FAM178B: variants seen among roughly 807,000 people sequenced by gnomAD.
FAM178B encodes family with sequence similarity 178 member B.
In FAM178B, 82 loss-of-function variants were observed where a neutral mutation model predicts 91.7. That is an observed-to-expected ratio of 0.89 (90% CI 0.75 to 1.07). FAM178B has a LOEUF of 1.07. FAM178B is among the 50% of genes least tolerant of loss of function. The pLI is 0.00. For missense variants in FAM178B, 769 were observed against 846.7 expected (o/e 0.91, Z 1.14); for synonymous variants, 368 against 359.4 (o/e 1.02, Z -0.27).
chr2:96,929,390 G>A (rs1408390013), intron 8 of FAM178B, 70 bp from the exon 9 acceptor site: 1 of 1,127,978 alleles, frequency 8.9e-7, no homozygotes, highest in Non-Finnish European at 1.3e-6. Flanking sequence ...TCCCACTGAA[G>A]GGGCTGGCCG....
At chr2:96,936,235 T>C (rs1023698344) in intron 8 of FAM178B, among the ~76,000 whole-genome samples, 4 of 152,166 alleles carry the variant, frequency 2.6e-5, no homozygotes, top group African/African-American at 7.2e-5. Flanking sequence ...GGAGTCTCGC[T>C]CTGTTGCCCA....
At chr2:96,935,014 T>A (rs2081601106) in intron 8 of FAM178B, among the ~76,000 whole-genome samples, 1 of 152,144 alleles carries the variant, frequency 6.6e-6, no homozygotes. Context: ...TGCCCTTCTG[T>A]AACTCACACC....
At chr2:96,915,975 T>C (rs2081234961) in intron 12 of FAM178B, among the ~76,000 whole-genome samples, 1 of 152,226 alleles carries the variant, frequency 6.6e-6, no homozygotes, top group South Asian at 2.1e-4. Context: ...GCGTATTTCA[T>C]TAACTTTCCC....
intron 1 of FAM178B, among the ~76,000 whole-genome samples, chr2:96,985,086 A>C (rs1056624092): frequency 3.9e-5 from 6 of 152,228 alleles, no homozygotes; most frequent in African/African-American, 1.4e-4. Context: ...GAATGGATGG[A>C]AACCGATCAT....
chr2:96,902,752 G>A (rs1486471664), intron 12 of FAM178B, 45 bp from the exon 13 acceptor site: 1 of 1,448,932 alleles, frequency 6.9e-7, no homozygotes, highest in South Asian at 1.2e-5. Context: ...CTGGAAGTCG[G>A]GGAGCCCGAG....
intron 6 of FAM178B, among the ~76,000 whole-genome samples, chr2:96,958,226 C>T (rs892850854): frequency 3.9e-5 from 6 of 152,144 alleles, no homozygotes; most frequent in African/African-American, 1.4e-4. Context: ...CCCGCTACCA[C>T]GCCCAGCTAA....
chr2:96,965,532 A>C (rs1292724598), intron 5 of FAM178B, among the ~76,000 whole-genome samples: 3 of 151,644 alleles, frequency 2.0e-5, no homozygotes, highest in Non-Finnish European at 4.4e-5. Context: ...GTGTGATCAC[A>C]GCTCACTGCA....
chr2:96,963,582 G>A (rs920820678), intron 5 of FAM178B, among the ~76,000 whole-genome samples: 1 of 152,218 alleles, frequency 6.6e-6, no homozygotes, highest in African/African-American at 2.4e-5. Context: ...TGGGACGGCT[G>A]CTCAAATCCC....
rs1257019 is a variant in FAM178B, at chr2:96,951,403, T to C, written c.969A>G (p.Val323=). The C allele has an allele frequency of 0.76, 1,181,088 of 1,550,800 alleles. 462,069 individuals carry two copies. The highest frequency in any genetic ancestry group is 0.88 in the African/African-American group (64,648 of 73,120). ...ILYLHMPDCP[V]SLLQWLFQLL... ...CCTGGAACAGCCACTGGAGCAGGGA[T>C]ACCGGGCAGTCAGGCATGTGCAGGT... The change falls in exon 7 of 17, where the codon GTA becomes GTG. Residue 323 remains valine, a synonymous_variant. Coordinates refer to ENST00000490605, the MANE Select transcript of FAM178B (RefSeq NM_001122646.3).
intron 8 of FAM178B, among the ~76,000 whole-genome samples, chr2:96,938,493 G>A (rs1333968769): frequency 6.6e-6 from 1 of 152,186 alleles, no homozygotes; most frequent in African/African-American, 2.4e-5. Flanking sequence ...GGACCAGAGA[G>A]CACATCAGAG....
At chr2:96,964,216 CAAA>C (rs55991315) in intron 5 of FAM178B, among the ~76,000 whole-genome samples, 19 of 148,984 alleles carry the variant, frequency 1.3e-4, no homozygotes, top group Admixed American at 4.0e-4. Flanking sequence ...AGAAAAACTT[CAAA>C]AAAAAAAAAG....
chr2:96,946,746 G>A (rs1456195709), intron 8 of FAM178B, among the ~76,000 whole-genome samples: 1 of 152,294 alleles, frequency 6.6e-6, no homozygotes, highest in Admixed American at 6.5e-5. Context: ...CCCCTAAAGG[G>A]CAGGCATGCC....
intron 6 of FAM178B, among the ~76,000 whole-genome samples, chr2:96,952,409 A>G (rs971037207): frequency 2.2e-4 from 34 of 152,270 alleles, no homozygotes; most frequent in African/African-American, 7.5e-4. Flanking sequence ...GCGTGCTCAG[A>G]CCAGCCACGC....
intron 8 of FAM178B, among the ~76,000 whole-genome samples, chr2:96,936,888 G>A (rs1181031336): frequency 2.0e-5 from 3 of 152,094 alleles, no homozygotes; most frequent in East Asian, 1.9e-4. Context: ...CAGCAGACCC[G>A]GCACTGGAAG....
At chr2:96,980,856 A>T (rs2082352075) in intron 1 of FAM178B, among the ~76,000 whole-genome samples, 1 of 152,102 alleles carries the variant, frequency 6.6e-6, no homozygotes, top group Non-Finnish European at 1.5e-5. Context: ...TGCCAATTCA[A>T]GTCTATTGCC....
intron 15 of FAM178B, 56 bp downstream of exon 15, chr2:96,878,360 G>T: frequency 6.5e-7 from 1 of 1,542,884 alleles, no homozygotes; most frequent in East Asian, 2.3e-5. Flanking sequence ...CCGCCGCTTG[G>T]GGGAGAAGAC....
rs190572269 is a variant in FAM178B at position 96,898,487 on chromosome 2, G to A, written c.1650+4133C>T. Among the ~76,000 whole-genome samples, 46 of 152,188 alleles carry A rather than the reference G, an allele frequency of 3.0e-4. 1 individual carries two copies. Among genetic ancestry groups the A allele is most frequent in the African/African-American group, 1.0e-3 (42 of 41,526 alleles). On this transcript the variant is annotated intron_variant, in intron 13 of 16. Transcript: ENST00000490605. ...CTTGTCAACATGGCGAAACCCTGCC[G>A]CTAAAAAAATACAAAAATTAGCCAG... is the stretch of plus-strand genomic sequence containing the variant.
At chr2:96,959,548 C>T (rs2153374640) in intron 6 of FAM178B, among the ~76,000 whole-genome samples, 1 of 152,320 alleles carries the variant, frequency 6.6e-6, no homozygotes, top group Admixed American at 6.5e-5. Context: ...AGCAGCTCCA[C>T]CTCTGTGTTC....
intron 13 of FAM178B, among the ~76,000 whole-genome samples, chr2:96,894,440 C>A: frequency 8.1e-6 from 1 of 123,896 alleles, no homozygotes; most frequent in Non-Finnish European, 1.7e-5. Flanking sequence ...ACACACAGAC[C>A]CACATCCACA....
Sources: allele counts gnomAD v4.1 joint callset (sites outside exome capture counted in the v4.1 genomes callset), GRCh38; gene constraint gnomAD v4.1.1; transcripts MANE v1.5; gene names NCBI Gene and HGNC (gene_info 2026-07-23, HGNC 2026-07-21).